NLRC5: variants seen among roughly 807,000 people sequenced by gnomAD.
NLRC5 encodes the protein NLR family CARD domain containing 5.
In NLRC5, 114 loss-of-function variants were observed where a neutral mutation model predicts 206.9. That is an observed-to-expected ratio of 0.55 (90% CI 0.47 to 0.64). The LOEUF is 0.64. Among genes scored for constraint, NLRC5 ranks in the 30% least tolerant of loss-of-function variants. The probability of loss-of-function intolerance (pLI) is 0.00; values close to 1 mark genes in which losing one functional copy is unlikely to be tolerated. For synonymous variants in NLRC5, 952 were observed against 962.8 expected, an observed-to-expected ratio of 0.99 and a Z score of 0.21; for missense variants, 2,008 against 2,305.5, an observed-to-expected ratio of 0.87 and a Z score of 2.64.
chr16:57,009,317 G>A (rs2059246625), intron 1 of NLRC5, among the ~76,000 whole-genome samples: 1 of 142,506 alleles, frequency 7.0e-6, no homozygotes, highest in South Asian at 2.2e-4. Flanking sequence ...AATAAAGCTG[G>A]GCGCAGTGGC....
chr16:57,010,177 T>A (rs1477904010), intron 1 of NLRC5, among the ~76,000 whole-genome samples: 3 of 152,142 alleles, frequency 2.0e-5, no homozygotes, highest in African/African-American at 7.2e-5. Context: ...GAAACGCACA[T>A]GAGGCATCCA....
At chr16:56,993,964 TAAA>T (rs11392865) in intron 1 of NLRC5, among the ~76,000 whole-genome samples, 5 of 137,448 alleles carry the variant, frequency 3.6e-5, no homozygotes, top group Non-Finnish European at 4.7e-5. Flanking sequence ...CTGTTTTTTG[TAAA>T]AAAAAAAAAA....
At chr16:57,059,392 C>T (rs1278562923) in intron 29 of NLRC5, 75 bp from the exon 30 acceptor site, 1 of 1,547,422 alleles carries the variant, frequency 6.5e-7, no homozygotes, top group Middle Eastern at 1.9e-4. Flanking sequence ...CCTCTCTGTG[C>T]CCTGTGGGTG....
Position 57,020,730 on chromosome 16 carries a change from C to T in NLRC5, c.18C>T (p.Leu6=). 6.2e-7 allele frequency: 1 copy of T among 1,611,120 alleles called. No individual in the cohort carries two copies. The highest frequency in any genetic ancestry group is 8.5e-7 in the Non-Finnish European group (1 of 1,179,434). The change falls in exon 3 of 49, where the codon CTC becomes CTT. Residue 6 remains leucine (L), a synonymous_variant. Coordinates refer to ENST00000688547, the MANE Select transcript of NLRC5 (RefSeq NM_001384950.1). ...GGCTCCTCATGGACCCCGTTGGCCT[C>T]CAGCTCGGCAACAAGAACCTGTGGA... The part of the protein sequence containing the change: MDPVG[L]QLGNKNLWSC...
At chr16:57,045,974 T>C (rs558460619) in intron 21 of NLRC5, among the ~76,000 whole-genome samples, 19 of 152,332 alleles carry the variant, frequency 1.2e-4, no homozygotes, top group Non-Finnish European at 2.4e-4. Context: ...GGCTGCCCTC[T>C]AGTGGGACCA....
chr16:57,081,543 A>T lies in NLRC5; in HGVS notation c.5422A>T (p.Ile1808Phe). 6.2e-7 allele frequency: 1 copy of T among 1,614,072 alleles called. No homozygotes were observed. Among genetic ancestry groups the T allele is most frequent in the Non-Finnish European group, 8.5e-7 (1 of 1,179,976 alleles). ...ACTGAGAAGCCTGGAGAAGAATCAG[A>T]TCACAGCTTTGGGGGCCTGGCTCCT... ...LKRVDLEKNQ[I>F]TALGAWLLAE... The change falls in exon 48 of 49, where the codon ATC becomes TTC. Residue 1808 changes from isoleucine to phenylalanine, a missense_variant. Coordinates refer to ENST00000688547, the MANE Select transcript of NLRC5 (RefSeq NM_001384950.1).
chr16:57,052,283 G>A (rs2065025492), intron 24 of NLRC5, among the ~76,000 whole-genome samples: 1 of 152,146 alleles, frequency 6.6e-6, no homozygotes, highest in Admixed American at 6.5e-5. Flanking sequence ...GACCAGCCTG[G>A]CCAATGTGGT....
Position 57,026,113 on chromosome 16 carries a change from G to A in NLRC5, c.1170G>A (p.Leu390=), listed in dbSNP as rs376197946. 8 of 1,614,014 alleles carry A rather than the reference G, an allele frequency of 5.0e-6. No homozygotes were observed. Among genetic ancestry groups the A allele is most frequent in the Non-Finnish European group, 6.8e-6 (8 of 1,180,054 alleles). ...FSAQPSREGA[L]VELQTNGRLR... is the part of the protein sequence containing the mutation. Reference sequence around the variant, plus strand: ...CCCAGCCATCGCGGGAGGGGGCCCTGGTGGAGTTACAGACAAATGGACGTC... The same window carrying A: ...CCCAGCCATCGCGGGAGGGGGCCCTAGTGGAGTTACAGACAAATGGACGTC... Residue 390 remains leucine (L), a synonymous_variant, in exon 6 of 49, where the codon CTG becomes CTA. Transcript: ENST00000688547.
intron 48 of NLRC5, 51 bp downstream of exon 48, chr16:57,081,661 C>A (rs1242528035): frequency 6.6e-7 from 1 of 1,505,604 alleles, no homozygotes; most frequent in Non-Finnish European, 9.2e-7. Context: ...CTACACCAAC[C>A]CCCAGATCTA....
Position 57,026,087 on chromosome 16 carries a change from G to A in NLRC5, c.1144G>A (p.Ala382Thr), listed in dbSNP as rs200058658. The change falls in exon 6 of 49, where the codon GCC becomes ACC. Residue 382 changes from alanine to threonine, a missense_variant. Transcript: ENST00000688547. ...AGAATATGTGAATCACTTCTTCAGC[G>A]CCCAGCCATCGCGGGAGGGGGCCCT... The part of the protein sequence containing the change: ...VEEYVNHFFS[A>T]QPSREGALVE... The A allele has an allele frequency of 2.4e-4, 395 of 1,614,072 alleles. No homozygotes were observed. The highest frequency in any genetic ancestry group is 2.0e-3 in the Admixed American group (121 of 60,034).
At chr16:57,066,427 A>G in intron 33 of NLRC5, 107 bp from the exon 34 acceptor site, 1 of 908,280 alleles carries the variant, frequency 1.1e-6, no homozygotes, top group Non-Finnish European at 1.8e-6. Flanking sequence ...GGAGAAGGGG[A>G]CCCAGGCAAA....
intron 36 of NLRC5, 42 bp from the exon 37 acceptor site, chr16:57,069,794 G>C: frequency 3.9e-6 from 6 of 1,542,532 alleles, no homozygotes; most frequent in Non-Finnish European, 5.3e-6. Flanking sequence ...CCAAGACCCA[G>C]GGCGGCTCCT....
At chr16:57,017,594 C>T (rs1437121657) in intron 2 of NLRC5, among the ~76,000 whole-genome samples, 1 of 152,094 alleles carries the variant, frequency 6.6e-6, no homozygotes, top group Non-Finnish European at 1.5e-5. Context: ...GGGATTGCTC[C>T]TCCACATCAT....
chr16:57,011,617 G>A (rs1282370737), intron 1 of NLRC5, among the ~76,000 whole-genome samples: 1 of 151,832 alleles, frequency 6.6e-6, no homozygotes, highest in East Asian at 1.9e-4. Context: ...ACCTACTCAG[G>A]AGGGTGAGGC....
chr16:57,025,401 C>A lies in NLRC5; in HGVS notation c.458C>A (p.Thr153Asn). ...LAKKYLQLLR[T>N]SAQQRYRSQI... ...AAGAAGTACCTGCAGCTCCTGCGGACCTCTGCCCAGCAGCGCTACAGGAGC... is the reference window on the plus strand; with the variant it reads ...AAGAAGTACCTGCAGCTCCTGCGGAACTCTGCCCAGCAGCGCTACAGGAGC... Residue 153 changes from threonine (T) to asparagine (N), a missense_variant, in exon 6 of 49, where the codon ACC (threonine) becomes AAC (asparagine). Coordinates refer to ENST00000688547, the MANE Select transcript of NLRC5 (RefSeq NM_001384950.1). The A allele has an allele frequency of 6.4e-7, 1 of 1,553,826 alleles. No homozygotes were observed. Among genetic ancestry groups the A allele is most frequent in the Non-Finnish European group, 8.7e-7 (1 of 1,150,974 alleles).
chr16:57,081,573 G>A lies in NLRC5; in HGVS notation c.5452G>A (p.Glu1818Lys), dbSNP rs2069150674. 1 of 1,614,146 alleles carries A rather than the reference G, an allele frequency of 6.2e-7. No homozygotes were observed. Among genetic ancestry groups the A allele is most frequent in the Non-Finnish European group, 8.5e-7 (1 of 1,180,012 alleles). The change falls in exon 48 of 49, where the codon GAA (glutamate) becomes AAA (lysine). Residue 1818 changes from glutamate (E) to lysine (K), a missense_variant. Coordinates refer to ENST00000688547, the MANE Select transcript of NLRC5 (RefSeq NM_001384950.1). Reference protein sequence around the residue: ...ITALGAWLLAEGLAQGSSIQV... With the variant: ...ITALGAWLLAKGLAQGSSIQV... ...AGCTTTGGGGGCCTGGCTCCTGGCTGAAGGACTGGCCCAGGGGTCTAGCAT... is the reference window on the plus strand; with the variant it reads ...AGCTTTGGGGGCCTGGCTCCTGGCTAAAGGACTGGCCCAGGGGTCTAGCAT...
chr16:57,032,000 T>C (rs2061934571), intron 11 of NLRC5, among the ~76,000 whole-genome samples: 1 of 151,790 alleles, frequency 6.6e-6, no homozygotes, highest in African/African-American at 2.4e-5. Flanking sequence ...CCAACTGTGC[T>C]CTACCACACT....
At chr16:57,034,302 A>C in intron 13 of NLRC5, 51 bp downstream of exon 13, 1 of 842,438 alleles carries the variant, frequency 1.2e-6, no homozygotes, top group Non-Finnish European at 1.8e-6. Flanking sequence ...GAGGTTGGAG[A>C]GGGTGGGCAG....
At chr16:57,066,026 C>T (rs1227031759) in intron 33 of NLRC5, among the ~76,000 whole-genome samples, 4 of 152,228 alleles carry the variant, frequency 2.6e-5, no homozygotes, top group African/African-American at 9.6e-5. Context: ...CTACCCCACC[C>T]TTCCACCACA....
Sources: gnomAD v4.1 joint callset for allele counts (sites outside exome capture counted in the v4.1 genomes callset) on GRCh38, gnomAD v4.1.1 for gene constraint, MANE v1.5 for transcripts, NCBI Gene and HGNC (gene_info 2026-07-23, HGNC 2026-07-21) for gene names.